The following COMMD1 variants were observed in gnomAD, a reference collection of about 807,000 sequenced individuals.
COMMD1 encodes copper metabolism domain containing 1, also known as COMM domain-containing protein 1.
A neutral mutation model predicts 17.2 loss-of-function variants in COMMD1; 10 were observed. The ratio of observed to expected loss-of-function variants is 0.58; its 90% confidence interval spans 0.36 to 0.99. COMMD1 has a LOEUF of 0.99. Among genes scored for constraint, COMMD1 ranks in the 50% least tolerant of loss-of-function variants. COMMD1 has a pLI of 0.01. For missense variants in COMMD1, 270 were observed against 231.8 expected (o/e 1.17, Z -1.07); for synonymous variants, 97 against 91.6 (o/e 1.06, Z -0.34).
At chr2:61,904,345 C>T (rs568986005), upstream of COMMD1, among the ~76,000 whole-genome samples, 49 of 152,280 alleles carry the variant, frequency 3.2e-4, no homozygotes, top group African/African-American at 1.2e-3. Context: ...TTAATATATA[C>T]AGAATATTCC....
chr2:61,903,239 T>G (rs890895374), upstream of COMMD1, among the ~76,000 whole-genome samples: 1 of 150,830 alleles, frequency 6.6e-6, no homozygotes, highest in Non-Finnish European at 1.5e-5. Flanking sequence ...AGGTCAGGAG[T>G]TTGAGACCAG....
At chr2:61,917,201 A>G (rs1670073047) in intron 1 of COMMD1, among the ~76,000 whole-genome samples, 1 of 151,880 alleles carries the variant, frequency 6.6e-6, no homozygotes, top group South Asian at 2.1e-4. Context: ...TAAGACTACA[A>G]AAAAAATTAG....
intron 2 of COMMD1, among the ~76,000 whole-genome samples, chr2:62,050,626 G>C (rs930015868): frequency 6.6e-6 from 1 of 152,128 alleles, no homozygotes; most frequent in Non-Finnish European, 1.5e-5. Context: ...TAAGGAAGAG[G>C]CTTGCTGAGA....
At chr2:62,108,319 A>G (rs1400961471) in intron 2 of COMMD1, among the ~76,000 whole-genome samples, 1 of 152,182 alleles carries the variant, frequency 6.6e-6, no homozygotes, top group Non-Finnish European at 1.5e-5. Flanking sequence ...GGCCCTGTCA[A>G]TTAAACTGAC....
intron 2 of COMMD1, among the ~76,000 whole-genome samples, chr2:62,090,430 T>C (rs193010533): frequency 6.6e-6 from 1 of 152,314 alleles, no homozygotes; most frequent in East Asian, 1.9e-4. Context: ...CAGAATCCAA[T>C]ACATTTAATG....
chr2:61,996,002 A>C (rs913310161), intron 1 of COMMD1, among the ~76,000 whole-genome samples: 1 of 152,196 alleles, frequency 6.6e-6, no homozygotes, highest in African/African-American at 2.4e-5. Flanking sequence ...ACCATACCAT[A>C]TCATACTACA....
intron 2 of COMMD1, among the ~76,000 whole-genome samples, chr2:62,104,207 C>T (rs190799992): frequency 6.6e-6 from 1 of 152,306 alleles, no homozygotes; most frequent in Non-Finnish European, 1.5e-5. Context: ...CACTGCATCC[C>T]TTAGGCTGGG....
intron 2 of COMMD1, among the ~76,000 whole-genome samples, chr2:62,130,667 G>A (rs1489547471): frequency 2.0e-5 from 3 of 152,182 alleles, no homozygotes; most frequent in African/African-American, 7.2e-5. Flanking sequence ...TTTATTTTAT[G>A]TTGAATTTGT....
At chr2:62,022,895 G>A (rs1231842152) in intron 2 of COMMD1, among the ~76,000 whole-genome samples, 1 of 152,134 alleles carries the variant, frequency 6.6e-6, no homozygotes, top group Admixed American at 6.6e-5. Flanking sequence ...AGTAAGGGAA[G>A]TAAATGTACT....
chr2:61,959,516 G>C (rs1160300702), intron 1 of COMMD1, among the ~76,000 whole-genome samples: 1 of 152,118 alleles, frequency 6.6e-6, no homozygotes, highest in East Asian at 1.9e-4. Context: ...ATTTTTATAA[G>C]ACTACTAGCT....
chr2:62,016,464 C>T (rs1669451871), intron 2 of COMMD1, among the ~76,000 whole-genome samples: 3 of 150,634 alleles, frequency 2.0e-5, no homozygotes, highest in Non-Finnish European at 2.9e-5. Flanking sequence ...CTGCCTCGGC[C>T]TTGCAAAGTG....
intron 2 of COMMD1, among the ~76,000 whole-genome samples, chr2:62,110,276 GC>G (rs1047311433): frequency 3.3e-5 from 5 of 151,838 alleles, no homozygotes; most frequent in African/African-American, 1.2e-4. Flanking sequence ...TCACTATATT[GC>G]CCAGGCTGGT....
chr2:62,039,552 C>T (rs1287846563), intron 2 of COMMD1, among the ~76,000 whole-genome samples: 2 of 152,188 alleles, frequency 1.3e-5, no homozygotes, highest in African/African-American at 4.8e-5. Context: ...GTAAGCTGCT[C>T]TTGCATCATA....
intron 1 of COMMD1, among the ~76,000 whole-genome samples, chr2:61,953,435 C>A (rs1671112042): frequency 6.7e-6 from 1 of 149,170 alleles, no homozygotes; most frequent in Non-Finnish European, 1.5e-5. Flanking sequence ...GTGGCGCAAT[C>A]TCAGCTCACT....
At chr2:61,940,444 C>G (rs887748490) in intron 1 of COMMD1, among the ~76,000 whole-genome samples, 12 of 152,078 alleles carry the variant, frequency 7.9e-5, no homozygotes, top group African/African-American at 2.9e-4. Context: ...TGTTCTGGTC[C>G]CAGGAACTTT....
intron 1 of COMMD1, among the ~76,000 whole-genome samples, chr2:61,898,560 G>T (rs146954159): frequency 8.0e-4 from 122 of 152,266 alleles, no homozygotes; most frequent in African/African-American, 2.6e-3. Flanking sequence ...AATGGAGACA[G>T]AGGGCAGGTA....
intron 2 of COMMD1, among the ~76,000 whole-genome samples, chr2:62,080,732 C>CT (rs1163556442): frequency 6.6e-6 from 1 of 151,684 alleles, no homozygotes; most frequent in African/African-American, 2.4e-5. Flanking sequence ...GACATCATTT[C>CT]TCCTGCAAAT....
chr2:62,133,532 T>C (rs566803811), intron 2 of COMMD1, among the ~76,000 whole-genome samples: 2 of 150,680 alleles, frequency 1.3e-5, no homozygotes, highest in South Asian at 2.1e-4. Flanking sequence ...TAATTTTATA[T>C]GCACACAAGC....
At chr2:61,925,193 G>T (rs139876703) in intron 1 of COMMD1, among the ~76,000 whole-genome samples, 1 of 150,646 alleles carries the variant, frequency 6.6e-6, no homozygotes. Flanking sequence ...GGGAGAGAGT[G>T]GGGGAGAGAG....
Sources: allele counts gnomAD v4.1 joint callset (sites outside exome capture counted in the v4.1 genomes callset), GRCh38; gene constraint gnomAD v4.1.1; transcripts MANE v1.5; gene names NCBI Gene and HGNC (gene_info 2026-07-23, HGNC 2026-07-21).